The following PPM1L variants were observed in gnomAD, a reference collection of about 807,000 sequenced individuals.
PPM1L encodes the protein protein phosphatase 1L.
In PPM1L, 13 loss-of-function variants were observed where a neutral mutation model predicts 31.4. That is an observed-to-expected ratio of 0.41 (90% CI 0.27 to 0.66). The LOEUF (loss-of-function observed/expected upper bound fraction) is 0.66. Among genes scored for constraint, PPM1L ranks in the 30% least tolerant of loss-of-function variants. PPM1L has a pLI of 0.29. For missense variants in PPM1L, 326 were observed against 453.7 expected (o/e 0.72, Z 2.56); for synonymous variants, 184 against 175.4 (o/e 1.05, Z -0.39).
intron 1 of PPM1L, among the ~76,000 whole-genome samples, chr3:160,765,067 TG>T (rs1715071027): frequency 6.6e-6 from 1 of 152,236 alleles, no homozygotes; most frequent in Admixed American, 6.5e-5. Context: ...ATGTATAATA[TG>T]CCAGGCAGTA....
intron 1 of PPM1L, among the ~76,000 whole-genome samples, chr3:160,936,677 A>G (rs1044524805): frequency 6.6e-6 from 1 of 152,238 alleles, no homozygotes; most frequent in Non-Finnish European, 1.5e-5. Flanking sequence ...TGAAGTATTT[A>G]AAACAGTTGT....
Position 160,756,386 on chromosome 3 carries a change from T to G in PPM1L, c.78T>G (p.Leu26=). ...ACTTCTTGCTGAGACCCGAGACGCT[T>G]TTCCTGCTGTGCATCAGCTTGGCTC... is the stretch of plus-strand genomic sequence containing the variant. The part of the protein sequence containing the change: ...MRYFLLRPET[L]FLLCISLALW... The change falls in exon 1 of 4, where the codon CTT becomes CTG. Residue 26 remains leucine (L), a synonymous_variant. Transcript: ENST00000498165. The surrounding 1 kb of genome is among the most constrained non-coding windows in gnomAD (Gnocchi z 6.2). 1 of 1,614,222 alleles carries G rather than the reference T, an allele frequency of 6.2e-7. No homozygotes were observed. Among genetic ancestry groups the G allele is most frequent in the East Asian group, 2.2e-5 (1 of 44,878 alleles).
intron 1 of PPM1L, among the ~76,000 whole-genome samples, chr3:160,825,855 A>G (rs1713343827): frequency 6.6e-6 from 1 of 152,102 alleles, no homozygotes; most frequent in Non-Finnish European, 1.5e-5. Flanking sequence ...CTAGTAACTG[A>G]TATAAAATAG....
chr3:160,870,909 A>T (rs1712281534), intron 1 of PPM1L, among the ~76,000 whole-genome samples: 1 of 152,162 alleles, frequency 6.6e-6, no homozygotes, highest in Admixed American at 6.5e-5. Context: ...GGGAAAGAGT[A>T]GTTATTTTTA....
chr3:160,988,257 A>G (rs931905325), intron 2 of PPM1L, among the ~76,000 whole-genome samples: 1 of 152,196 alleles, frequency 6.6e-6, no homozygotes, highest in African/African-American at 2.4e-5. Context: ...ATCCATGGGA[A>G]GGTGAGGTCT....
In PPM1L at chr3:161,069,225, GAA is replaced by G; in HGVS notation, c.*71_*72del. 1 of 1,201,568 alleles carries G rather than the reference GAA, an allele frequency of 8.3e-7. No homozygotes were observed. Among genetic ancestry groups the G allele is most frequent in the Non-Finnish European group, 1.2e-6 (1 of 866,380 alleles). 74.4% of individuals were successfully genotyped at this position (1,201,568 alleles called of 1,614,324 possible). ...ACACACTGGTCTCTTTTAATTTAGTGAAAAGTGTGGGAGTTGTAATTAGGATC... is the reference window on the plus strand; with the variant it reads ...ACACACTGGTCTCTTTTAATTTAGTGAAGTGTGGGAGTTGTAATTAGGATC... On this transcript the variant is annotated 3_prime_UTR_variant, in exon 4 of 4. Transcript: ENST00000498165.
chr3:160,762,241 T>A (rs1171444078), intron 1 of PPM1L, among the ~76,000 whole-genome samples: 2 of 152,190 alleles, frequency 1.3e-5, no homozygotes. Flanking sequence ...GACAAATGCC[T>A]TATGGTTTAA....
At chr3:160,757,490 A>ATGAACCACATCTG (rs1714843410) in intron 1 of PPM1L, among the ~76,000 whole-genome samples, 1 of 152,226 alleles carries the variant, frequency 6.6e-6, no homozygotes, top group Admixed American at 6.5e-5. Flanking sequence ...TGGAAGCAGG[A>ATGAACCACATCTG]GATAGCTAGA....
At chr3:160,839,210 A>G (rs77367803) in intron 1 of PPM1L, among the ~76,000 whole-genome samples, 1 of 152,218 alleles carries the variant, frequency 6.6e-6, no homozygotes, top group African/African-American at 2.4e-5. Flanking sequence ...ATAGTGACAG[A>G]AAACAGACTA....
At chr3:160,948,494 G>T (rs181125307) in intron 1 of PPM1L, among the ~76,000 whole-genome samples, 1 of 152,256 alleles carries the variant, frequency 6.6e-6, no homozygotes, top group Admixed American at 6.5e-5. Context: ...CCATGCCTGG[G>T]ATGGTCAAGA....
chr3:161,047,067 A>C (rs1311052722), intron 2 of PPM1L, among the ~76,000 whole-genome samples: 1 of 152,200 alleles, frequency 6.6e-6, no homozygotes, highest in East Asian at 1.9e-4. Context: ...CCTATTCAAC[A>C]TAGTGTTGGA....
intron 1 of PPM1L, among the ~76,000 whole-genome samples, chr3:160,801,858 C>T (rs892537610): frequency 5.3e-5 from 8 of 152,098 alleles, no homozygotes; most frequent in Admixed American, 2.0e-4. Flanking sequence ...CCCATGGCTT[C>T]GTTTCATACA....
chr3:161,000,000 TACTGCAGAGC>T lies in PPM1L; in HGVS notation c.574+38091_574+38100del, dbSNP rs150525632. On this transcript the variant is annotated intron_variant, in intron 2 of 3. Transcript: ENST00000498165. The stretch of plus-strand genomic sequence containing the variant: ...ATTTCTCCCTCCCAAGACTCTGAGA[TACTGCAGAGC>T]TGGAATTGTCATGTTCACCTTTGTA... 2.0e-4 allele frequency among the ~76,000 whole-genome samples: 31 copies of T among 152,348 alleles called. No individual in the cohort carries two copies. The East Asian group carries it at 5.8e-3, about 28-fold the overall frequency.
At chr3:160,863,967 G>A (rs1711995748) in intron 1 of PPM1L, among the ~76,000 whole-genome samples, 2 of 152,170 alleles carry the variant, frequency 1.3e-5, no homozygotes, top group South Asian at 4.1e-4. Flanking sequence ...GGTAGATGAA[G>A]TAACCCTGGG....
At chr3:161,025,678 G>T (rs1406057188) in intron 2 of PPM1L, among the ~76,000 whole-genome samples, 1 of 152,162 alleles carries the variant, frequency 6.6e-6, no homozygotes, top group Middle Eastern at 3.4e-3. Context: ...CTAGAGGCTG[G>T]TGCCTTGATC....
intron 1 of PPM1L, among the ~76,000 whole-genome samples, chr3:160,775,616 A>G (rs941194468): frequency 6.6e-6 from 1 of 152,190 alleles, no homozygotes; most frequent in Non-Finnish European, 1.5e-5. Context: ...GGTGTGAGGC[A>G]AGAAGTTTGA....
chr3:160,988,383 C>A (rs922260832), intron 2 of PPM1L, among the ~76,000 whole-genome samples: 1 of 152,190 alleles, frequency 6.6e-6, no homozygotes, highest in Non-Finnish European at 1.5e-5. Context: ...AATAGAGCCA[C>A]TTCACAGTTG....
intron 2 of PPM1L, among the ~76,000 whole-genome samples, chr3:160,994,766 A>G (rs941805023): frequency 3.3e-5 from 5 of 152,170 alleles, no homozygotes; most frequent in African/African-American, 7.2e-5. Flanking sequence ...ACAAATGACT[A>G]TCAGGGTGCC....
At position 160,761,537 on chromosome 3, in the gene PPM1L, A is replaced by G. The variant is rs552206023; in HGVS notation, c.399+4830A>G. Among the ~76,000 whole-genome samples the G allele has an allele frequency of 9.8e-5, 15 of 152,322 alleles. No homozygotes were observed. In the East Asian group the frequency reaches 2.5e-3, roughly 25 times the overall value. Reference sequence around the variant, plus strand: ...GGCCATCCTGGGTTTGTTGGCTGCTACAAGTATTAAGAGCCAAACGCCTGA... The same window carrying G: ...GGCCATCCTGGGTTTGTTGGCTGCTGCAAGTATTAAGAGCCAAACGCCTGA... On this transcript the variant is annotated intron_variant, in intron 1 of 3. Coordinates refer to ENST00000498165, the MANE Select transcript of PPM1L (RefSeq NM_139245.4).
Sources: gnomAD v4.1 joint callset for allele counts (sites outside exome capture counted in the v4.1 genomes callset) on GRCh38, gnomAD v4.1.1 for gene constraint, Gnocchi (gnomAD v3.1) non-coding constraint, MANE v1.5 for transcripts, NCBI Gene and HGNC (gene_info 2026-07-23, HGNC 2026-07-21) for gene names.